Variants in PABPC4L observed in about 807,000 individuals in gnomAD.
PABPC4L encodes poly(A) binding protein cytoplasmic 4 like.
For missense variants in PABPC4L, 452 were observed against 451.4 expected, an observed-to-expected ratio of 1.00 and a Z score of -0.01; for synonymous variants, 169 against 164.1, an observed-to-expected ratio of 1.03 and a Z score of -0.23.
At chr4:134,014,658 C>T in the PABPC4L span, among the ~76,000 whole-genome samples, 26 of 152,002 alleles carry the variant, frequency 1.7e-4, no homozygotes, top group Non-Finnish European at 2.5e-4. Flanking sequence ...TGACACTGCC[C>T]GATCGCCTCA....
At chr4:133,961,008 C>T in the PABPC4L span, among the ~76,000 whole-genome samples, 3 of 152,114 alleles carry the variant, frequency 2.0e-5, no homozygotes. Flanking sequence ...AGCGTGTACT[C>T]TTGGGAGTTC....
Position 134,200,595 on chromosome 4 carries a change from A to C in PABPC4L, c.425T>G (p.Val142Gly), listed in dbSNP as rs1305319370. 2 of 1,551,668 alleles carry C rather than the reference A, an allele frequency of 1.3e-6. No homozygotes were observed. The stretch of plus-strand genomic sequence containing the variant: ...TGCAGCACTCTGGTTCTGAAAGTGC[A>C]CAAATGCATAGCCCTTGGAGCCTTG... ...DDQGSKGYAF[V>G]HFQNQSAADR... The change falls in exon 2 of 2, where the codon GTG (valine) becomes GGG (glycine). Residue 142 changes from valine (V) to glycine (G), a missense_variant. Physicochemically the swap from Val to Gly is moderately radical, Grantham distance 109. Coordinates refer to ENST00000421491, the MANE Select transcript of PABPC4L (RefSeq NM_001114734.2).
the PABPC4L span, among the ~76,000 whole-genome samples, chr4:133,994,151 A>C: frequency 2.6e-5 from 4 of 152,036 alleles, no homozygotes; most frequent in Non-Finnish European, 5.9e-5. Flanking sequence ...AGTCATGAAA[A>C]AGTCTCCCTT....
chr4:134,131,714 CAAAAAAAAAAAAAAAA>C, the PABPC4L span, among the ~76,000 whole-genome samples: 23 of 10,674 alleles, frequency 2.2e-3, no homozygotes, highest in African/African-American at 0.01. Flanking sequence ...CCTGTGAAAC[CAAAAAAAAAAAAAAAA>C]AAAAAAAAAA....
chr4:134,098,408 T>C, the PABPC4L span, among the ~76,000 whole-genome samples: 1 of 151,786 alleles, frequency 6.6e-6, no homozygotes, highest in Admixed American at 6.6e-5. Context: ...TTCTTTTGTT[T>C]GTTTGTTTTT....
chr4:134,163,292 T>C, the PABPC4L span, among the ~76,000 whole-genome samples: 2 of 152,014 alleles, frequency 1.3e-5, no homozygotes, highest in African/African-American at 4.8e-5. Flanking sequence ...AATATAACCC[T>C]CCTTGCTTTA....
chr4:134,105,144 A>G, the PABPC4L span, among the ~76,000 whole-genome samples: 1 of 151,770 alleles, frequency 6.6e-6, no homozygotes, highest in African/African-American at 2.4e-5. Flanking sequence ...TGCCTGCAGG[A>G]GTGAAAAATG....
the PABPC4L span, among the ~76,000 whole-genome samples, chr4:134,045,147 C>G: frequency 6.6e-6 from 1 of 152,046 alleles, no homozygotes; most frequent in Non-Finnish European, 1.5e-5. Context: ...TGCATTTCTT[C>G]TGATATAATC....
the PABPC4L span, among the ~76,000 whole-genome samples, chr4:134,066,793 A>G: frequency 6.6e-6 from 1 of 152,110 alleles, no homozygotes; most frequent in African/African-American, 2.4e-5. Flanking sequence ...ATCTATTGAG[A>G]TGATCATTAG....
At chr4:134,006,590 A>G in the PABPC4L span, among the ~76,000 whole-genome samples, 2 of 151,922 alleles carry the variant, frequency 1.3e-5, no homozygotes, top group Non-Finnish European at 2.9e-5. Context: ...GATGCATCCA[A>G]TAACATGCTT....
chr4:133,993,229 C>T, the PABPC4L span, among the ~76,000 whole-genome samples: 22 of 152,080 alleles, frequency 1.4e-4, no homozygotes, highest in Middle Eastern at 3.4e-3. Flanking sequence ...TACTCATATT[C>T]CCCCTTTTTT....
the PABPC4L span, among the ~76,000 whole-genome samples, chr4:134,078,970 T>G: frequency 2.3e-5 from 2 of 87,250 alleles, no homozygotes; most frequent in African/African-American, 1.1e-4. Context: ...GCCCGGGCTT[T>G]TTTTTTTTTT....
At chr4:134,063,594 AGAG>A in the PABPC4L span, among the ~76,000 whole-genome samples, 4 of 152,254 alleles carry the variant, frequency 2.6e-5, no homozygotes, top group East Asian at 3.9e-4. Flanking sequence ...ACTGTGTCAC[AGAG>A]GAGATCTCAA....
chr4:134,045,749 C>A, the PABPC4L span, among the ~76,000 whole-genome samples: 3 of 152,150 alleles, frequency 2.0e-5, no homozygotes, highest in Non-Finnish European at 4.4e-5. Context: ...CCACTCCCTT[C>A]ACCAATAATT....
chr4:134,029,600 T>C, the PABPC4L span, among the ~76,000 whole-genome samples: 2 of 151,970 alleles, frequency 1.3e-5, no homozygotes, highest in Non-Finnish European at 2.9e-5. Flanking sequence ...TTAAAAATAT[T>C]TAATAATATA....
the PABPC4L span, among the ~76,000 whole-genome samples, chr4:134,184,281 T>A: frequency 6.6e-6 from 1 of 151,906 alleles, no homozygotes; most frequent in Non-Finnish European, 1.5e-5. Context: ...GCTGAATGTC[T>A]AAATAGAAAA....
At chr4:134,095,298 C>A in the PABPC4L span, among the ~76,000 whole-genome samples, 2 of 151,592 alleles carry the variant, frequency 1.3e-5, no homozygotes, top group African/African-American at 4.8e-5. Flanking sequence ...TGCCATAGAG[C>A]AGTATTATAA....
the PABPC4L span, among the ~76,000 whole-genome samples, chr4:133,964,413 T>C: frequency 6.6e-6 from 1 of 152,070 alleles, no homozygotes; most frequent in Admixed American, 6.5e-5. Flanking sequence ...GTACCAATCC[T>C]ATTGACACTA....
chr4:133,987,025 C>T, the PABPC4L span, among the ~76,000 whole-genome samples: 2 of 152,178 alleles, frequency 1.3e-5, no homozygotes, highest in East Asian at 1.9e-4. Flanking sequence ...CGTGAACCAC[C>T]GCACCTGGCT....
Sources: gnomAD v4.1 joint callset for allele counts (sites outside exome capture counted in the v4.1 genomes callset) on GRCh38, gnomAD v4.1.1 for gene constraint, MANE v1.5 for transcripts, NCBI Gene and HGNC (gene_info 2026-07-23, HGNC 2026-07-21) for gene names.